ARHGEF26: variants seen among roughly 807,000 people sequenced by gnomAD.
ARHGEF26 encodes Rho guanine nucleotide exchange factor (GEF) 26.
Under a neutral mutation model 89.4 loss-of-function variants are expected in ARHGEF26, and 59 were observed. That is an observed-to-expected ratio of 0.66 (90% CI 0.54 to 0.82). The LOEUF (loss-of-function observed/expected upper bound fraction) is 0.82, where lower values mean the gene tolerates loss of function less well. Ranked by LOEUF, ARHGEF26 falls within the 40% of genes least tolerant of loss-of-function variation. The pLI is 0.00. For synonymous variants in ARHGEF26, 500 were observed against 428.4 expected (o/e 1.17, Z -2.06); for missense variants, 1,234 against 1,085.6 (o/e 1.14, Z -1.92).
At chr3:154,132,797 A>G (rs1718765877) in intron 4 of ARHGEF26, among the ~76,000 whole-genome samples, 1 of 152,196 alleles carries the variant, frequency 6.6e-6, no homozygotes, top group Non-Finnish European at 1.5e-5. Context: ...TAATGTATAT[A>G]TTAAACCTAG....
intron 4 of ARHGEF26, among the ~76,000 whole-genome samples, chr3:154,146,238 G>A (rs1278987822): frequency 6.6e-6 from 1 of 152,186 alleles, no homozygotes; most frequent in East Asian, 1.9e-4. Context: ...GGGTTTCTCT[G>A]GGGCCTATTT....
chr3:154,169,783 T>C (rs1712299295), intron 6 of ARHGEF26, among the ~76,000 whole-genome samples: 2 of 152,144 alleles, frequency 1.3e-5, no homozygotes, highest in South Asian at 4.1e-4. Flanking sequence ...AAATAAGGTG[T>C]TTTTAAACTG....
chr3:154,212,670 G>A (rs1402837319), intron 9 of ARHGEF26, among the ~76,000 whole-genome samples: 2 of 152,204 alleles, frequency 1.3e-5, no homozygotes, highest in East Asian at 3.9e-4. Flanking sequence ...TCAGGCATTA[G>A]ATTCTCATAA....
chr3:154,219,798 C>T (rs1292891858), intron 10 of ARHGEF26, among the ~76,000 whole-genome samples: 1 of 151,858 alleles, frequency 6.6e-6, no homozygotes, highest in Non-Finnish European at 1.5e-5. Context: ...CCTGTAGTCC[C>T]AGCTACTCGG....
intron 9 of ARHGEF26, among the ~76,000 whole-genome samples, chr3:154,196,742 G>T (rs1714314021): frequency 6.6e-6 from 1 of 152,082 alleles, no homozygotes; most frequent in Non-Finnish European, 1.5e-5. Flanking sequence ...CTTCCTCCAA[G>T]ACCTCAAGTC....
At chr3:154,162,181 A>G (rs147828025) in intron 6 of ARHGEF26, among the ~76,000 whole-genome samples, 1 of 152,268 alleles carries the variant, frequency 6.6e-6, no homozygotes, top group East Asian at 1.9e-4. Flanking sequence ...GAACCATTAC[A>G]TGGATTTTTG....
At chr3:154,157,918 C>T (rs1251264945) in intron 6 of ARHGEF26, among the ~76,000 whole-genome samples, 1 of 152,116 alleles carries the variant, frequency 6.6e-6, no homozygotes, top group East Asian at 1.9e-4. Context: ...ATTTGAGTCA[C>T]AGAGGTGGTT....
chr3:154,125,644 A>C (rs1248026860), intron 3 of ARHGEF26, among the ~76,000 whole-genome samples: 1 of 152,162 alleles, frequency 6.6e-6, no homozygotes, highest in East Asian at 1.9e-4. Context: ...ACCTCTGCCT[A>C]AGAGAGTTTA....
chr3:154,161,321 T>C (rs368555809), intron 6 of ARHGEF26, among the ~76,000 whole-genome samples: 1 of 18,132 alleles, frequency 5.5e-5, no homozygotes, highest in Non-Finnish European at 1.0e-4. Flanking sequence ...TCAAGAAATA[T>C]CCATTTTAGT....
intron 4 of ARHGEF26, among the ~76,000 whole-genome samples, chr3:154,131,852 C>T (rs1043994857): frequency 2.6e-5 from 4 of 152,128 alleles, no homozygotes; most frequent in African/African-American, 9.7e-5. Flanking sequence ...AATGTATATA[C>T]AATTAAATAA....
At chr3:154,152,742 A>C in intron 5 of ARHGEF26, 30 bp from the exon 6 acceptor site, 1 of 1,404,168 alleles carries the variant, frequency 7.1e-7, no homozygotes. Context: ...TAAAAGAATT[A>C]ATAATACATT....
chr3:154,149,693 T>C (rs1285185905), intron 5 of ARHGEF26, among the ~76,000 whole-genome samples: 1 of 152,172 alleles, frequency 6.6e-6, no homozygotes, highest in Non-Finnish European at 1.5e-5. Context: ...CTAGTTCAGG[T>C]ATTTAAACTG....
At chr3:154,129,808 A>G (rs1352859940) in intron 4 of ARHGEF26, 89 bp downstream of exon 4, 2 of 1,411,212 alleles carry the variant, frequency 1.4e-6, no homozygotes, top group African/African-American at 1.4e-5. Context: ...CTTTTCTGCC[A>G]GTGATCCTGT....
At chr3:154,239,320 G>A (rs1330000931) in intron 11 of ARHGEF26, among the ~76,000 whole-genome samples, 2 of 148,960 alleles carry the variant, frequency 1.3e-5, no homozygotes, top group African/African-American at 5.1e-5. Context: ...GTGTGTGTGT[G>A]TGTGTGTGTG....
intron 12 of ARHGEF26, among the ~76,000 whole-genome samples, chr3:154,252,138 A>G (rs529798351): frequency 8.5e-5 from 13 of 152,138 alleles, no homozygotes; most frequent in Non-Finnish European, 1.8e-4. Flanking sequence ...GCTATGAGAG[A>G]AGAGTTTTTT....
rs370197353 is a variant in ARHGEF26, at chr3:154,132,289, T to G, written c.1269+2570T>G. The stretch of plus-strand genomic sequence containing the variant: ...CACTCAGATTGAACAAATGTTAATA[T>G]TTTAACATATTTGCTTCATTTTCTA... On this transcript the variant is annotated intron_variant, in intron 4 of 14. Coordinates refer to ENST00000465093, the MANE Select transcript of ARHGEF26 (RefSeq NM_015595.4). Among the ~76,000 whole-genome samples the G allele has an allele frequency of 8.5e-5, 13 of 152,326 alleles. 1 individual carries two copies. Among genetic ancestry groups the G allele is most frequent in the Admixed American group, 2.0e-4 (3 of 15,290 alleles).
intron 11 of ARHGEF26, among the ~76,000 whole-genome samples, chr3:154,236,609 C>T (rs1044257307): frequency 9.9e-5 from 15 of 152,140 alleles, no homozygotes; most frequent in African/African-American, 3.1e-4. Context: ...ATCAGCTTCC[C>T]TCAGGAAGGG....
chr3:154,129,756 A>T (rs763801051), intron 4 of ARHGEF26, 37 bp downstream of exon 4: 2 of 1,571,678 alleles, frequency 1.3e-6, no homozygotes, highest in Non-Finnish European at 1.7e-6. Context: ...GTGGTAGGAA[A>T]AAAACAAGTT....
At chr3:154,254,461 A>T (rs1718354871) in intron 13 of ARHGEF26, among the ~76,000 whole-genome samples, 1 of 152,052 alleles carries the variant, frequency 6.6e-6, no homozygotes, top group African/African-American at 2.4e-5. Context: ...TGACATGACT[A>T]ATGACTCCTG....
Sources: allele counts gnomAD v4.1 joint callset (sites outside exome capture counted in the v4.1 genomes callset), GRCh38; gene constraint gnomAD v4.1.1; transcripts MANE v1.5; gene names NCBI Gene and HGNC (gene_info 2026-07-23, HGNC 2026-07-21).